USP34: variants seen among roughly 807,000 people sequenced by gnomAD.
The protein encoded by USP34 is ubiquitin carboxyl-terminal hydrolase 34.
A neutral mutation model predicts 460.3 loss-of-function variants in USP34; 70 were observed. The observed-to-expected ratio is 0.15, with a 90% CI of 0.13 to 0.19. The LOEUF is 0.19. Ranked by LOEUF, USP34 falls within the 10% of genes least tolerant of loss-of-function variation. The pLI is 1.00. For missense variants in USP34, 3,985 were observed against 4,236.2 expected (o/e 0.94, Z 1.65); for synonymous variants, 1,647 against 1,405.3 (o/e 1.17, Z -3.85).
intron 5 of USP34, among the ~76,000 whole-genome samples, chr2:61,391,662 C>T (rs568637150): frequency 4.6e-4 from 70 of 152,114 alleles, no homozygotes; most frequent in African/African-American, 1.4e-3. Flanking sequence ...CTGCCCACTT[C>T]GCAAGAAAAG....
At chr2:61,401,556 T>TC in intron 3 of USP34, among the ~76,000 whole-genome samples, 1 of 135,604 alleles carries the variant, frequency 7.4e-6, no homozygotes, top group East Asian at 2.2e-4. Flanking sequence ...TTTTTTTTTT[T>TC]TTTTTTTTTT....
intron 67 of USP34, among the ~76,000 whole-genome samples, chr2:61,215,087 C>T (rs1221342062): frequency 6.6e-6 from 1 of 152,082 alleles, no homozygotes; most frequent in Non-Finnish European, 1.5e-5. Context: ...ATTCAATGTT[C>T]TACAGTCTTA....
intron 18 of USP34, among the ~76,000 whole-genome samples, chr2:61,338,660 T>C (rs1055098971): frequency 2.0e-5 from 3 of 152,070 alleles, no homozygotes; most frequent in Admixed American, 6.6e-5. Context: ...CAAAGCAGTA[T>C]AGGTCAAGGG....
chr2:61,198,918 A>G (rs1008807109), intron 75 of USP34, among the ~76,000 whole-genome samples: 7 of 152,134 alleles, frequency 4.6e-5, no homozygotes, highest in African/African-American at 7.2e-5. Flanking sequence ...TGTGGTTACC[A>G]AACACTTTTT....
At chr2:61,403,339 T>A (rs1573007190) in intron 3 of USP34, among the ~76,000 whole-genome samples, 1 of 152,118 alleles carries the variant, frequency 6.6e-6, no homozygotes, top group African/African-American at 2.4e-5. Context: ...GTATTACTTA[T>A]ATAGTTCTAT....
chr2:61,273,477 G>A (rs887181627), intron 41 of USP34, among the ~76,000 whole-genome samples: 2 of 152,192 alleles, frequency 1.3e-5, no homozygotes, highest in African/African-American at 4.8e-5. Context: ...CCAGCACTTT[G>A]GGAGGCCGAG....
intron 2 of USP34, among the ~76,000 whole-genome samples, chr2:61,411,015 G>T (rs937393674): frequency 6.6e-6 from 1 of 152,056 alleles, no homozygotes; most frequent in African/African-American, 2.4e-5. Context: ...TATTATTCCT[G>T]TATCACCCAT....
chr2:61,259,918 A>G (rs1218646411), intron 43 of USP34, 142 bp from the exon 44 acceptor site: 1 of 624,014 alleles, frequency 1.6e-6, no homozygotes, highest in East Asian at 2.8e-5. Flanking sequence ...AACACATTCA[A>G]TTCTTTAGTA....
At chr2:61,461,022 TTTG>T (rs1455833165) in intron 1 of USP34, among the ~76,000 whole-genome samples, 2 of 151,566 alleles carry the variant, frequency 1.3e-5, no homozygotes, top group African/African-American at 2.4e-5. Context: ...AGGTGAGCTT[TTTG>T]TTGTTGTTGT....
chr2:61,352,185 C>T (rs775805043), intron 10 of USP34, among the ~76,000 whole-genome samples: 30 of 152,028 alleles, frequency 2.0e-4, no homozygotes, highest in Non-Finnish European at 4.3e-4. Context: ...TGTAGCAGTT[C>T]AAATTTTAGA....
intron 23 of USP34, among the ~76,000 whole-genome samples, chr2:61,316,904 A>G (rs968833929): frequency 6.6e-6 from 1 of 152,076 alleles, no homozygotes; most frequent in Non-Finnish European, 1.5e-5. Flanking sequence ...ATAATAATAA[A>G]AATTTTTAAA....
At chr2:61,385,550 T>C (rs1693112875) in intron 5 of USP34, among the ~76,000 whole-genome samples, 1 of 150,604 alleles carries the variant, frequency 6.6e-6, no homozygotes, top group African/African-American at 2.5e-5. Context: ...CGGGCGCCTG[T>C]AGTCCCAGCT....
chr2:61,204,484 G>T lies in USP34; in HGVS notation c.9259+13C>A. 1 of 1,612,500 alleles carries T rather than the reference G, an allele frequency of 6.2e-7. No individual in the cohort carries two copies. Among genetic ancestry groups the T allele is most frequent in the Non-Finnish European group, 8.5e-7 (1 of 1,178,528 alleles). On this transcript the variant is annotated intron_variant, in intron 73 of 79. Transcript: ENST00000398571. ...CGAACCATATTGAAGTACTGTGCTAGATAAATACGTACTTGGTATATTACT... is the reference window on the plus strand; with the variant it reads ...CGAACCATATTGAAGTACTGTGCTATATAAATACGTACTTGGTATATTACT...
At chr2:61,403,311 T>G (rs2103927240) in intron 3 of USP34, among the ~76,000 whole-genome samples, 1 of 152,238 alleles carries the variant, frequency 6.6e-6, no homozygotes, top group Non-Finnish European at 1.5e-5. Context: ...CAAGTTTATT[T>G]TAGAAGCAGC....
intron 2 of USP34, chr2:61,417,397 G>A: frequency 2.0e-6 from 1 of 494,302 alleles, no homozygotes; most frequent in Non-Finnish European, 3.7e-6. Context: ...TAATCTTACA[G>A]CCAAAGTTGT....
At chr2:61,429,602 G>C (rs1331423675) in intron 1 of USP34, among the ~76,000 whole-genome samples, 1 of 151,984 alleles carries the variant, frequency 6.6e-6, no homozygotes, top group East Asian at 1.9e-4. Context: ...ACAGGTAACA[G>C]GGCAAGACTA....
At chr2:61,332,555 A>T (rs1691302746) in intron 19 of USP34, among the ~76,000 whole-genome samples, 1 of 152,030 alleles carries the variant, frequency 6.6e-6, no homozygotes, top group Non-Finnish European at 1.5e-5. Context: ...CCTTAATATG[A>T]ACCACCTCCA....
At chr2:61,267,590 C>G (rs1332263833) in intron 41 of USP34, among the ~76,000 whole-genome samples, 3 of 151,182 alleles carry the variant, frequency 2.0e-5, no homozygotes, top group East Asian at 4.0e-4. Context: ...TTACAGGCAC[C>G]TGCCACTACA....
chr2:61,204,915 G>A (rs1452567776), intron 72 of USP34, among the ~76,000 whole-genome samples: 1 of 152,098 alleles, frequency 6.6e-6, no homozygotes, highest in African/African-American at 2.4e-5. Flanking sequence ...GGAGTGCAGT[G>A]GTGCAATCAG....
Sources: allele counts gnomAD v4.1 joint callset (sites outside exome capture counted in the v4.1 genomes callset), GRCh38; gene constraint gnomAD v4.1.1; transcripts MANE v1.5; gene names NCBI Gene and HGNC (gene_info 2026-07-23, HGNC 2026-07-21).